TAOK3: variants seen among roughly 807,000 people sequenced by gnomAD.
TAOK3 encodes TAO kinase 3, also known as serine/threonine-protein kinase TAO3.
A neutral mutation model predicts 120.4 loss-of-function variants in TAOK3; 40 were observed. That is an observed-to-expected ratio of 0.33 (90% CI 0.26 to 0.43). The LOEUF (loss-of-function observed/expected upper bound fraction) is 0.43, where lower values mean the gene tolerates loss of function less well. TAOK3 is among the 20% of genes least tolerant of loss of function. The probability of loss-of-function intolerance (pLI) is 1.00; values close to 1 mark genes in which losing one functional copy is unlikely to be tolerated. For missense variants in TAOK3, 821 were observed against 1,112.1 expected, an observed-to-expected ratio of 0.74 and a Z score of 3.72; for synonymous variants, 355 against 387.5, an observed-to-expected ratio of 0.92 and a Z score of 0.99.
chr12:118,364,591 A>G (rs2045693262), intron 1 of TAOK3, among the ~76,000 whole-genome samples: 1 of 152,208 alleles, frequency 6.6e-6, no homozygotes, highest in Admixed American at 6.5e-5. Context: ...GAACACACAC[A>G]CAATATGAAA....
chr12:118,230,081 G>A, intron 9 of TAOK3, among the ~76,000 whole-genome samples: 1 of 152,126 alleles, frequency 6.6e-6, no homozygotes, highest in Non-Finnish European at 1.5e-5. Flanking sequence ...CTGAGGCATT[G>A]GGGGGCTTCT....
At chr12:118,302,473 T>A (rs892571390) in intron 1 of TAOK3, among the ~76,000 whole-genome samples, 1 of 152,192 alleles carries the variant, frequency 6.6e-6, no homozygotes, top group African/African-American at 2.4e-5. Flanking sequence ...CTCAGTTTTC[T>A]TATGGGTATA....
chr12:118,278,040 T>C (rs2041964729), intron 1 of TAOK3, among the ~76,000 whole-genome samples: 1 of 152,158 alleles, frequency 6.6e-6, no homozygotes, highest in African/African-American at 2.4e-5. Flanking sequence ...ACAGTCAAGT[T>C]TGGGAACCAC....
chr12:118,303,166 T>C (rs2042936602), intron 1 of TAOK3, among the ~76,000 whole-genome samples: 1 of 152,194 alleles, frequency 6.6e-6, no homozygotes, highest in Admixed American at 6.6e-5. Context: ...TTAATATGAT[T>C]TTAATAAAAG....
At chr12:118,195,967 G>A (rs1027725603) in intron 13 of TAOK3, among the ~76,000 whole-genome samples, 5 of 152,018 alleles carry the variant, frequency 3.3e-5, no homozygotes, top group African/African-American at 1.2e-4. Context: ...GGAGAATGGC[G>A]TGAACGCAGG....
At chr12:118,356,573 T>A (rs1259020959) in intron 1 of TAOK3, among the ~76,000 whole-genome samples, 2 of 151,914 alleles carry the variant, frequency 1.3e-5, no homozygotes, top group Non-Finnish European at 2.9e-5. Context: ...GTGCTGGGAT[T>A]ACAGGCGTCA....
At chr12:118,236,231 G>A (rs959222931) in intron 7 of TAOK3, 4 of 152,594 alleles carry the variant, frequency 2.6e-5, no homozygotes, top group African/African-American at 9.7e-5. Flanking sequence ...AGGCATTTGA[G>A]GTACATGTTA....
chr12:118,306,683 C>T (rs557402664), intron 1 of TAOK3, among the ~76,000 whole-genome samples: 1 of 152,244 alleles, frequency 6.6e-6, no homozygotes, highest in African/African-American at 2.4e-5. Flanking sequence ...ATTATTGATA[C>T]TTAGAGTAAC....
At chr12:118,240,472 C>G (rs1289983365) in intron 5 of TAOK3, among the ~76,000 whole-genome samples, 1 of 152,050 alleles carries the variant, frequency 6.6e-6, no homozygotes, top group African/African-American at 2.4e-5. Flanking sequence ...AGCCACCGTG[C>G]CCGGCCTCTT....
chr12:118,157,557 A>G (rs1436094017), intron 19 of TAOK3, among the ~76,000 whole-genome samples: 2 of 152,186 alleles, frequency 1.3e-5, no homozygotes, highest in Non-Finnish European at 2.9e-5. Context: ...CAGCCTACAT[A>G]GCCATTGTGC....
At chr12:118,220,433 A>G (rs1441592158) in intron 9 of TAOK3, among the ~76,000 whole-genome samples, 1 of 152,130 alleles carries the variant, frequency 6.6e-6, no homozygotes, top group East Asian at 1.9e-4. Context: ...ACAAAATTAC[A>G]AAAATGACTG....
At chr12:118,202,229 A>G (rs1008421780) in intron 11 of TAOK3, among the ~76,000 whole-genome samples, 17 of 151,028 alleles carry the variant, frequency 1.1e-4, no homozygotes, top group African/African-American at 3.9e-4. Context: ...AAATATCTAT[A>G]TCACATATAC....
At chr12:118,349,955 T>C (rs1266075458) in intron 1 of TAOK3, among the ~76,000 whole-genome samples, 4 of 152,342 alleles carry the variant, frequency 2.6e-5, no homozygotes, top group Non-Finnish European at 2.9e-5. Context: ...CTTCATAACC[T>C]CATCTACAAA....
At chr12:118,187,662 A>G (rs185322839) in intron 14 of TAOK3, among the ~76,000 whole-genome samples, 1 of 152,224 alleles carries the variant, frequency 6.6e-6, no homozygotes, top group East Asian at 1.9e-4. Context: ...ACTACCATCA[A>G]TCCCAATCAT....
intron 1 of TAOK3, among the ~76,000 whole-genome samples, chr12:118,331,833 T>A (rs1352917125): frequency 6.6e-6 from 1 of 150,944 alleles, no homozygotes; most frequent in East Asian, 1.9e-4. Flanking sequence ...ATGAATTTTT[T>A]TTTTTTTTTT....
chr12:118,302,855 A>G (rs2042926743), intron 1 of TAOK3, among the ~76,000 whole-genome samples: 1 of 152,186 alleles, frequency 6.6e-6, no homozygotes, highest in South Asian at 2.1e-4. Context: ...CTACAAGTGA[A>G]AATTCCAATA....
At chr12:118,304,709 G>T (rs1174304718) in intron 1 of TAOK3, among the ~76,000 whole-genome samples, 1 of 152,150 alleles carries the variant, frequency 6.6e-6, no homozygotes, top group Non-Finnish European at 1.5e-5. Context: ...CCTAATTTGT[G>T]ATGTTTTTAG....
rs1316578808 is a variant in TAOK3 at position 118,257,920 on chromosome 12, AAGGGCTT to A, written c.-88-2272_-88-2266del. ...GAATGGGATGTAGTCCCTATCCTTAAAGGGCTTAGGAGTCAAATGGACTTATAGACAT... is the reference window on the plus strand; with the variant it reads ...GAATGGGATGTAGTCCCTATCCTTAAAGGAGTCAAATGGACTTATAGACAT... On this transcript the variant is annotated intron_variant, in intron 2 of 20. Coordinates refer to ENST00000392533, the MANE Select transcript of TAOK3 (RefSeq NM_016281.4). 3.8e-4 allele frequency among the ~76,000 whole-genome samples: 58 copies of A among 152,170 alleles called. 1 individual carries two copies. Among genetic ancestry groups the A allele is most frequent in the Admixed American group, 3.8e-3 (58 of 15,262 alleles).
chr12:118,348,870 A>G (rs550373411), intron 1 of TAOK3, among the ~76,000 whole-genome samples: 1 of 146,488 alleles, frequency 6.8e-6, no homozygotes, highest in Non-Finnish European at 1.5e-5. Context: ...TTTTTTGAGA[A>G]CGGGTCTCAC....
Sources: gnomAD v4.1 joint callset for allele counts (sites outside exome capture counted in the v4.1 genomes callset) on GRCh38, gnomAD v4.1.1 for gene constraint, MANE v1.5 for transcripts, NCBI Gene and HGNC (gene_info 2026-07-23, HGNC 2026-07-21) for gene names.